Variants in TRIP4 observed in about 807,000 individuals in gnomAD.
The protein encoded by TRIP4 is thyroid hormone receptor interactor 4.
In TRIP4, 54 loss-of-function variants were observed where a neutral mutation model predicts 81.8. That is an observed-to-expected ratio of 0.66 (90% CI 0.53 to 0.83). TRIP4 has a LOEUF of 0.83. Ranked by LOEUF, TRIP4 falls within the 40% of genes least tolerant of loss-of-function variation. The pLI is 0.00. For synonymous variants in TRIP4, 270 were observed against 242.8 expected, an observed-to-expected ratio of 1.11 and a Z score of -1.04; for missense variants, 662 against 683.6, an observed-to-expected ratio of 0.97 and a Z score of 0.35.
chr15:64,440,734 A>T (rs1008645255), intron 11 of TRIP4, among the ~76,000 whole-genome samples: 2 of 152,060 alleles, frequency 1.3e-5, no homozygotes, highest in East Asian at 3.9e-4. Context: ...CAAGGAACCT[A>T]TTGTTATTTA....
At chr15:64,443,601 C>G (rs1892564115) in intron 11 of TRIP4, among the ~76,000 whole-genome samples, 1 of 152,022 alleles carries the variant, frequency 6.6e-6, no homozygotes, top group South Asian at 2.1e-4. Context: ...CCCTGTTTTT[C>G]TTTGGCTTCT....
chr15:64,398,417 G>A (rs898279253), intron 4 of TRIP4, among the ~76,000 whole-genome samples: 3 of 97,512 alleles, frequency 3.1e-5, no homozygotes, highest in South Asian at 3.5e-4. Context: ...GGAAGACCCT[G>A]TCTCTACAAA....
chr15:64,442,922 C>T (rs1248135357), intron 11 of TRIP4, among the ~76,000 whole-genome samples: 6 of 149,834 alleles, frequency 4.0e-5, no homozygotes, highest in Admixed American at 3.4e-4. Context: ...ACCCAGGAGG[C>T]AGAGGTTGCA....
At chr15:64,422,439 G>C (rs1892040614) in intron 9 of TRIP4, among the ~76,000 whole-genome samples, 1 of 152,264 alleles carries the variant, frequency 6.6e-6, no homozygotes, top group East Asian at 1.9e-4. Context: ...ATTGTGTTAA[G>C]GTGCACTACA....
intron 12 of TRIP4, among the ~76,000 whole-genome samples, chr15:64,449,054 TA>T (rs1385071714): frequency 6.6e-6 from 1 of 151,462 alleles, no homozygotes; most frequent in South Asian, 2.1e-4. Context: ...TACAAAAAAA[TA>T]AAAAAAATTA....
intron 9 of TRIP4, among the ~76,000 whole-genome samples, chr15:64,420,680 T>C (rs941189381): frequency 3.3e-5 from 5 of 151,910 alleles, no homozygotes; most frequent in African/African-American, 7.2e-5. Context: ...CCCGCCACCA[T>C]GCCCAGCTAA....
Position 64,392,073 on chromosome 15 carries a change from G to C in TRIP4, c.102-1873G>C, listed in dbSNP as rs146921203. ...GCAAATCACTTGAGGTCAGGACTTC[G>C]AGACCAGCCTGGCCAACATAGTGAA... On this transcript the variant is annotated intron_variant, in intron 1 of 12. Coordinates refer to ENST00000261884, the MANE Select transcript of TRIP4 (RefSeq NM_016213.5). Among the ~76,000 whole-genome samples, 379 of 149,944 alleles carry C rather than the reference G, an allele frequency of 2.5e-3. 2 individuals are homozygous for C. The highest frequency in any genetic ancestry group is 8.7e-3 in the African/African-American group (354 of 40,754).
intron 11 of TRIP4, among the ~76,000 whole-genome samples, chr15:64,436,625 C>T (rs1452629536): frequency 2.0e-5 from 3 of 150,400 alleles, no homozygotes; most frequent in East Asian, 3.9e-4. Context: ...TCTCTGAAGT[C>T]TTCCCTAACC....
At chr15:64,417,915 A>G (rs549486634) in intron 8 of TRIP4, among the ~76,000 whole-genome samples, 1 of 152,336 alleles carries the variant, frequency 6.6e-6, no homozygotes, top group Admixed American at 6.5e-5. Context: ...CATTAAGTAT[A>G]AATTGGAAAT....
chr15:64,390,894 CAA>C (rs993278926), intron 1 of TRIP4, among the ~76,000 whole-genome samples: 5 of 122,546 alleles, frequency 4.1e-5, no homozygotes, highest in Middle Eastern at 4.7e-3. Flanking sequence ...GACTCCGTCT[CAA>C]AAAAAAAAAA....
intron 1 of TRIP4, among the ~76,000 whole-genome samples, chr15:64,388,534 C>T (rs992531185): frequency 6.6e-6 from 1 of 152,088 alleles, no homozygotes; most frequent in South Asian, 2.1e-4. Flanking sequence ...GTCTCCAGCT[C>T]CTGATCTCAA....
chr15:64,440,642 A>G (rs1369665327), intron 11 of TRIP4, among the ~76,000 whole-genome samples: 2 of 152,116 alleles, frequency 1.3e-5, no homozygotes, highest in Non-Finnish European at 2.9e-5. Context: ...AGGAAAAGGG[A>G]TATTCACCTG....
chr15:64,396,302 A>T (rs1371974161), intron 3 of TRIP4, among the ~76,000 whole-genome samples: 2 of 94,430 alleles, frequency 2.1e-5, no homozygotes, highest in Admixed American at 1.6e-4. Flanking sequence ...TTTGAGACGG[A>T]GTCTTGCTCT....
intron 12 of TRIP4, among the ~76,000 whole-genome samples, chr15:64,449,332 T>C (rs1239395626): frequency 6.6e-6 from 1 of 151,402 alleles, no homozygotes; most frequent in African/African-American, 2.4e-5. Context: ...TAGCCACCCT[T>C]TACAGATTAG....
chr15:64,409,084 G>A (rs1004538241), intron 6 of TRIP4, among the ~76,000 whole-genome samples: 4 of 151,870 alleles, frequency 2.6e-5, no homozygotes, highest in South Asian at 2.1e-4. Flanking sequence ...ATGGTGTTGC[G>A]CCTATAATCC....
chr15:64,429,661 T>G (rs578200261), intron 11 of TRIP4, among the ~76,000 whole-genome samples: 1 of 152,214 alleles, frequency 6.6e-6, no homozygotes, highest in Non-Finnish European at 1.5e-5. Flanking sequence ...ACTACAGAAC[T>G]GGTATCATGG....
intron 6 of TRIP4, among the ~76,000 whole-genome samples, 191 bp downstream of exon 6, chr15:64,406,650 A>G (rs1195078057): frequency 6.6e-6 from 1 of 152,206 alleles, no homozygotes; most frequent in East Asian, 1.9e-4. Flanking sequence ...GGCTCCTATG[A>G]AAAGAATCCT....
intron 4 of TRIP4, among the ~76,000 whole-genome samples, chr15:64,398,816 C>G (rs904958550): frequency 6.6e-6 from 1 of 151,946 alleles, no homozygotes; most frequent in Non-Finnish European, 1.5e-5. Context: ...ATCTAGAAAG[C>G]TAATTTTACC....
intron 11 of TRIP4, among the ~76,000 whole-genome samples, chr15:64,442,442 A>G (rs976870869): frequency 6.6e-6 from 1 of 151,840 alleles, no homozygotes; most frequent in African/African-American, 2.4e-5. Flanking sequence ...ATGCTTGGCT[A>G]ATTTTTTTAA....
Sources: gnomAD v4.1 joint callset for allele counts (sites outside exome capture counted in the v4.1 genomes callset) on GRCh38, gnomAD v4.1.1 for gene constraint, MANE v1.5 for transcripts, NCBI Gene and HGNC (gene_info 2026-07-23, HGNC 2026-07-21) for gene names.